Variants in DOCK4 observed in about 807,000 individuals in gnomAD.
DOCK4 encodes dedicator of cytokinesis 4, also known as dedicator of cytokinesis protein 4.
In DOCK4, 97 loss-of-function variants were observed where a neutral mutation model predicts 268.1. The observed-to-expected ratio is 0.36, with a 90% confidence interval of 0.31 to 0.43. DOCK4 has a LOEUF of 0.43. Ranked by LOEUF, DOCK4 falls within the 20% of genes least tolerant of loss-of-function variation. The pLI is 1.00. For synonymous variants in DOCK4, 954 were observed against 887.2 expected, an observed-to-expected ratio of 1.08 and a Z score of -1.34; for missense variants, 2,145 against 2,455.7, an observed-to-expected ratio of 0.87 and a Z score of 2.67.
At chr7:111,912,344 G>T (rs1190325993) in intron 13 of DOCK4, among the ~76,000 whole-genome samples, 3 of 152,106 alleles carry the variant, frequency 2.0e-5, no homozygotes, top group Non-Finnish European at 4.4e-5. Context: ...GGAGGGTGGG[G>T]TATGGAGCAC....
At chr7:111,926,529 AAG>A (rs1375842258) in intron 12 of DOCK4, among the ~76,000 whole-genome samples, 16 of 147,598 alleles carry the variant, frequency 1.1e-4, no homozygotes, top group Non-Finnish European at 1.5e-5. Flanking sequence ...AAGAAAGAAA[AAG>A]AGAAAGAGAA....
intron 1 of DOCK4, among the ~76,000 whole-genome samples, chr7:112,191,180 T>A (rs879680184): frequency 1.4e-4 from 21 of 152,216 alleles, no homozygotes; most frequent in Admixed American, 2.0e-4. Context: ...AGCCTCAAAC[T>A]CCAGGGCTCA....
At chr7:112,097,345 G>A (rs540776962) in intron 1 of DOCK4, among the ~76,000 whole-genome samples, 2 of 152,278 alleles carry the variant, frequency 1.3e-5, no homozygotes, top group East Asian at 1.9e-4. Context: ...AGGCCGTGGT[G>A]GGAAGACCAC....
chr7:111,995,725 C>T (rs1586600021), intron 4 of DOCK4, among the ~76,000 whole-genome samples: 2 of 152,068 alleles, frequency 1.3e-5, no homozygotes, highest in African/African-American at 4.8e-5. Context: ...TTTGTAAAAT[C>T]TTCTTGTCAG....
chr7:111,771,880 C>T (rs1585936285), intron 36 of DOCK4, among the ~76,000 whole-genome samples: 4 of 152,246 alleles, frequency 2.6e-5, no homozygotes, highest in African/African-American at 7.2e-5. Flanking sequence ...CTTAATGACC[C>T]AGCTCAGGAG....
At chr7:112,131,236 A>T (rs1312870814) in intron 1 of DOCK4, among the ~76,000 whole-genome samples, 1 of 152,198 alleles carries the variant, frequency 6.6e-6, no homozygotes, top group Admixed American at 6.5e-5. Context: ...TTGTTTTAAA[A>T]GCGCTGTGGC....
chr7:111,745,460 A>G (rs948076171), intron 44 of DOCK4, among the ~76,000 whole-genome samples: 25 of 152,094 alleles, frequency 1.6e-4, no homozygotes, highest in African/African-American at 5.8e-4. Context: ...AGGCGGGTGG[A>G]TCACAAGGTC....
chr7:112,096,518 T>C (rs184729923), intron 1 of DOCK4, among the ~76,000 whole-genome samples: 136 of 152,284 alleles, frequency 8.9e-4, no homozygotes, highest in Admixed American at 1.8e-3. Context: ...ATGTAACATG[T>C]ACTAATTTTA....
chr7:111,767,223 T>C, intron 37 of DOCK4, 105 bp from the exon 38 acceptor site: 1 of 787,180 alleles, frequency 1.3e-6, no homozygotes, highest in Non-Finnish European at 2.0e-6. Flanking sequence ...CCTTACTCCT[T>C]AATCTTTTTT....
intron 1 of DOCK4, among the ~76,000 whole-genome samples, chr7:112,031,492 T>C (rs1262855290): frequency 1.3e-5 from 2 of 152,198 alleles, no homozygotes; most frequent in Non-Finnish European, 2.9e-5. Context: ...TAAAGACTGA[T>C]CACATCTTCC....
At position 112,066,690 on chromosome 7, in the gene DOCK4, CATATATATATAT is replaced by C. The variant is rs751631282; in HGVS notation, c.38-62571_38-62560del. On this transcript the variant is annotated intron_variant, in intron 1 of 52. Transcript: ENST00000428084. The stretch of plus-strand genomic sequence containing the variant: ...ATATACATATACATATATACATATA[CATATATATATAT>C]ATATATATATATATATATATATATA... 9.7e-3 allele frequency among the ~76,000 whole-genome samples: 203 copies of C among 20,966 alleles called. 2 individuals carry two copies. Among genetic ancestry groups the C allele is most frequent in the Middle Eastern group, 0.062 (2 of 32 alleles). 13.8% of individuals were successfully genotyped at this position (20,966 alleles called of 152,430 possible).
intron 42 of DOCK4, among the ~76,000 whole-genome samples, chr7:111,755,184 C>CACT (rs1796935814): frequency 6.6e-6 from 1 of 152,136 alleles, no homozygotes; most frequent in African/African-American, 2.4e-5. Flanking sequence ...AGTATTAGCA[C>CACT]TGGTATGATA....
chr7:111,868,692 A>G (rs1219400524), intron 21 of DOCK4, among the ~76,000 whole-genome samples: 1 of 150,914 alleles, frequency 6.6e-6, no homozygotes, highest in East Asian at 1.9e-4. Context: ...CCTGGCCAAC[A>G]AGAGCAAAAT....
chr7:112,182,369 A>G (rs529530951), intron 1 of DOCK4, among the ~76,000 whole-genome samples: 1 of 152,200 alleles, frequency 6.6e-6, no homozygotes, highest in African/African-American at 2.4e-5. Context: ...AATATTTTTT[A>G]AAAAAGCAAG....
chr7:111,811,815 C>G, intron 28 of DOCK4, 59 bp downstream of exon 28: 1 of 1,014,626 alleles, frequency 9.9e-7, no homozygotes. Context: ...AGGTAATTTC[C>G]TATAATACAA....
Position 112,000,544 on chromosome 7 carries a change from A to G in DOCK4, c.122-10T>C. 1 of 1,537,960 alleles carries G rather than the reference A, an allele frequency of 6.5e-7. No homozygotes were observed. Among genetic ancestry groups the G allele is most frequent in the Non-Finnish European group, 8.8e-7 (1 of 1,132,724 alleles). On this transcript the variant is annotated splice_polypyrimidine_tract_variant and intron_variant, in intron 2 of 52. Transcript: ENST00000428084. ...AATCCTCTGTACCAGCCTGTGGAAA[A>G]ATAATCATGGTCATATTTTGATAAA...
At position 111,747,648 on chromosome 7, in the gene DOCK4, A is replaced by G. The variant is rs186322287; in HGVS notation, c.4417-205T>C. Among the ~76,000 whole-genome samples, 116 of 152,356 alleles carry G rather than the reference A, an allele frequency of 7.6e-4. 1 individual carries two copies. The highest frequency in any genetic ancestry group is 3.4e-3 in the Middle Eastern group (1 of 294). Reference sequence around the variant, plus strand: ...AGGTTTGGAAAGGGCAGGTAATTATACTTATTCATTGAAATGTGGTTTGGA... The same window carrying G: ...AGGTTTGGAAAGGGCAGGTAATTATGCTTATTCATTGAAATGTGGTTTGGA... On this transcript the variant is annotated intron_variant, in intron 42 of 52. Coordinates refer to ENST00000428084, the MANE Select transcript of DOCK4 (RefSeq NM_001363540.2).
At chr7:111,939,989 G>T in intron 11 of DOCK4, 121 bp downstream of exon 11, 2 of 1,000,104 alleles carry the variant, frequency 2.0e-6, no homozygotes, top group Non-Finnish European at 3.0e-6. Context: ...CTGGGTTTTT[G>T]AGGAATGGCT....
chr7:111,767,653 T>C (rs1475130604), intron 37 of DOCK4, among the ~76,000 whole-genome samples: 4 of 152,188 alleles, frequency 2.6e-5, no homozygotes, highest in African/African-American at 4.8e-5. Flanking sequence ...TAATATATTG[T>C]ACATGAACTA....
Sources: allele counts gnomAD v4.1 joint callset (sites outside exome capture counted in the v4.1 genomes callset), GRCh38; gene constraint gnomAD v4.1.1; transcripts MANE v1.5; gene names NCBI Gene and HGNC (gene_info 2026-07-23, HGNC 2026-07-21).